The following CCSER1 variants were observed in gnomAD, a reference collection of about 807,000 sequenced individuals.
The protein encoded by CCSER1 is coiled-coil serine rich protein 1.
A neutral mutation model predicts 82.0 loss-of-function variants in CCSER1; 41 were observed. The observed-to-expected ratio is 0.50, with a 90% confidence interval of 0.39 to 0.65. The LOEUF (loss-of-function observed/expected upper bound fraction) is 0.65. CCSER1 is among the 30% of genes least tolerant of loss of function. The probability of loss-of-function intolerance (pLI) is 0.00; values close to 1 mark genes in which losing one functional copy is unlikely to be tolerated. For synonymous variants in CCSER1, 414 were observed against 383.9 expected (o/e 1.08, Z -0.92); for missense variants, 1,119 against 1,064.2 (o/e 1.05, Z -0.72).
At chr4:90,845,717 A>C (rs1055462366) in intron 8 of CCSER1, among the ~76,000 whole-genome samples, 1 of 151,932 alleles carries the variant, frequency 6.6e-6, no homozygotes, top group African/African-American at 2.4e-5. Context: ...CTTTTTTTTA[A>C]ATTTAATTCC....
rs1764691880 is a variant in CCSER1, at chr4:91,598,571, G to A, written c.2218-1G>A. 1.3e-6 allele frequency: 2 copies of A among 1,545,482 alleles called. No homozygotes were observed. The highest frequency in any genetic ancestry group is 1.7e-6 in the Non-Finnish European group (2 of 1,143,070). On this transcript the variant is annotated splice_acceptor_variant, in intron 10 of 10. Transcript: ENST00000509176. LOFTEE classifies it high-confidence loss of function. Reference sequence around the variant, plus strand: ...CTTTTTCTTTCTGTGTCTTACCATAGGCTACATATCGAAATCGAATTGTGA... The same window carrying A: ...CTTTTTCTTTCTGTGTCTTACCATAAGCTACATATCGAAATCGAATTGTGA...
intron 10 of CCSER1, among the ~76,000 whole-genome samples, chr4:91,537,344 C>A (rs1306146285): frequency 6.6e-6 from 1 of 151,974 alleles, no homozygotes; most frequent in East Asian, 1.9e-4. Flanking sequence ...ACATTTGAAC[C>A]TAGACAGAAT....
rs1751594142 is a variant in CCSER1, at chr4:90,768,464, A to C, written c.2010+44473A>C. ...TTGTGATAATTTGTTAAATAACAAC[A>C]GATACCTATATAGATTTTTATTCTG... On this transcript the variant is annotated intron_variant, in intron 7 of 10. Transcript: ENST00000509176. Among the ~76,000 whole-genome samples, 7 of 152,364 alleles carry C rather than the reference A, an allele frequency of 4.6e-5. No individual in the cohort carries two copies. In the South Asian group the frequency reaches 1.4e-3, roughly 32 times the overall value.
In CCSER1 at chr4:91,332,006, T is replaced by C. The variant is rs998125444; in HGVS notation, c.2217+246012T>C. 7.9e-5 allele frequency among the ~76,000 whole-genome samples: 12 copies of C among 152,274 alleles called. 1 individual carries two copies. The highest frequency in any genetic ancestry group is 1.6e-4 in the Non-Finnish European group (11 of 68,006). The stretch of plus-strand genomic sequence containing the variant: ...ATGAACTTCAGCAATTTGATGTCAA[T>C]ATAAATGAATGATAATAAGACATTA... On this transcript the variant is annotated intron_variant, in intron 10 of 10. Coordinates refer to ENST00000509176, the MANE Select transcript of CCSER1 (RefSeq NM_001145065.2).
rs1057351027 is a variant in CCSER1 at position 90,359,674 on chromosome 4, T to C, written c.1510-40362T>C. 9.9e-5 allele frequency among the ~76,000 whole-genome samples: 15 copies of C among 151,548 alleles called. 1 individual carries two copies. The highest frequency in any genetic ancestry group is 3.6e-4 in the African/African-American group (15 of 41,192). ...ATTGCTTAAAACCAGGAGGTGGAGG[T>C]TGCAGTGAGCCGACATGTCACCACT... On this transcript the variant is annotated intron_variant, in intron 3 of 10. Transcript: ENST00000509176.
At chr4:90,843,671 G>T (rs1762843427) in intron 8 of CCSER1, among the ~76,000 whole-genome samples, 1 of 152,070 alleles carries the variant, frequency 6.6e-6, no homozygotes. Context: ...ACTTTTGCTG[G>T]ATTTTCCGTA....
At chr4:90,130,594 G>A (rs1202818267) in intron 1 of CCSER1, among the ~76,000 whole-genome samples, 2 of 152,002 alleles carry the variant, frequency 1.3e-5, no homozygotes. Context: ...AGTCTGTTTT[G>A]GATGTACATC....
intron 8 of CCSER1, among the ~76,000 whole-genome samples, chr4:90,866,198 C>G (rs1765708583): frequency 6.6e-6 from 1 of 151,864 alleles, no homozygotes. Flanking sequence ...TCCCTCAGCC[C>G]TCTCTCTTCT....
Position 90,323,247 on chromosome 4 carries a change from C to T in CCSER1, c.1509+10200C>T, listed in dbSNP as rs557524036. Among the ~76,000 whole-genome samples, 130 of 152,292 alleles carry T rather than the reference C, an allele frequency of 8.5e-4. 1 individual carries two copies. In the South Asian group the frequency reaches 0.014, roughly 17 times the overall value. The stretch of plus-strand genomic sequence containing the variant: ...GTGATGCAAGGACTCCCTTGGCTGC[C>T]ACAGGTGTTGTCTCACTGGGTCATG... On this transcript the variant is annotated intron_variant, in intron 3 of 10. Transcript: ENST00000509176.
intron 5 of CCSER1, among the ~76,000 whole-genome samples, chr4:90,581,918 TAC>T (rs1781458572): frequency 6.6e-6 from 1 of 152,084 alleles, no homozygotes; most frequent in South Asian, 2.1e-4. Context: ...GGTAGCAACG[TAC>T]CATGTGTAGA....
chr4:91,218,027 C>T lies in CCSER1; in HGVS notation c.2217+132033C>T, dbSNP rs555036285. 8.5e-5 allele frequency among the ~76,000 whole-genome samples: 13 copies of T among 152,318 alleles called. No homozygotes were observed. In the South Asian group the frequency reaches 2.5e-3, roughly 29 times the overall value. On this transcript the variant is annotated intron_variant, in intron 10 of 10. Transcript: ENST00000509176. ...GGGCGCCGTGGAGCAGGGGGTGGTGCTTGTCGGGGAGGCTCCGGCCGCACA... is the reference window on the plus strand; with the variant it reads ...GGGCGCCGTGGAGCAGGGGGTGGTGTTTGTCGGGGAGGCTCCGGCCGCACA...
chr4:90,318,257 G>T (rs925843821), intron 3 of CCSER1, among the ~76,000 whole-genome samples: 1 of 152,236 alleles, frequency 6.6e-6, no homozygotes, highest in Admixed American at 6.5e-5. Context: ...AGTGAACTAA[G>T]TTTACTTTTT....
chr4:91,357,698 A>G (rs1284199280), intron 10 of CCSER1, among the ~76,000 whole-genome samples: 1 of 152,038 alleles, frequency 6.6e-6, no homozygotes, highest in Admixed American at 6.6e-5. Flanking sequence ...AAATTATACA[A>G]CATTTTTTGC....
At chr4:90,761,922 A>G (rs1250327599) in intron 7 of CCSER1, among the ~76,000 whole-genome samples, 3 of 152,158 alleles carry the variant, frequency 2.0e-5, no homozygotes, top group East Asian at 3.8e-4. Context: ...AAGGAGGCTG[A>G]CAAATTAACT....
intron 10 of CCSER1, among the ~76,000 whole-genome samples, chr4:91,220,571 T>C (rs1213456076): frequency 1.3e-5 from 2 of 152,170 alleles, no homozygotes; most frequent in East Asian, 3.8e-4. Context: ...TTAAAGGGAA[T>C]TGGTACATGG....
At chr4:91,230,629 GA>G (rs899540466) in intron 10 of CCSER1, among the ~76,000 whole-genome samples, 2 of 150,540 alleles carry the variant, frequency 1.3e-5, no homozygotes, top group African/African-American at 2.4e-5. Flanking sequence ...GGGTGTGGAG[GA>G]AAAAAAACAC....
chr4:90,637,467 A>G (rs1312224935), intron 6 of CCSER1, among the ~76,000 whole-genome samples: 41 of 152,202 alleles, frequency 2.7e-4, no homozygotes, highest in Non-Finnish European at 2.9e-5. Context: ...TATGTAAAGT[A>G]TGAATACCAG....
At chr4:91,213,855 C>T (rs956541424) in intron 10 of CCSER1, among the ~76,000 whole-genome samples, 4 of 152,038 alleles carry the variant, frequency 2.6e-5, no homozygotes, top group Non-Finnish European at 4.4e-5. Flanking sequence ...CTCTGGACCA[C>T]GACATTGTTG....
At chr4:91,418,754 T>C (rs1678559960) in intron 10 of CCSER1, among the ~76,000 whole-genome samples, 1 of 151,986 alleles carries the variant, frequency 6.6e-6, no homozygotes. Context: ...GTATCAAGTA[T>C]TAAAGACAAA....
Sources: gnomAD v4.1 joint callset for allele counts (sites outside exome capture counted in the v4.1 genomes callset) on GRCh38, gnomAD v4.1.1 for gene constraint, MANE v1.5 for transcripts, NCBI Gene and HGNC (gene_info 2026-07-23, HGNC 2026-07-21) for gene names.